Variants in USP31 observed in about 807,000 individuals in gnomAD.
The protein encoded by USP31 is ubiquitin carboxyl-terminal hydrolase 31.
A neutral mutation model predicts 119.4 loss-of-function variants in USP31; 44 were observed. The observed-to-expected ratio is 0.37, with a 90% CI of 0.29 to 0.47. The LOEUF (loss-of-function observed/expected upper bound fraction) is 0.47. USP31 is among the 20% of genes least tolerant of loss of function. USP31 has a pLI of 0.99. For missense variants in USP31, 1,643 were observed against 1,730.2 expected (o/e 0.95, Z 0.89); for synonymous variants, 749 against 705.6 (o/e 1.06, Z -0.97).
chr16:23,103,735 C>A lies in USP31; in HGVS notation c.1090-1272G>T, dbSNP rs547090070. Among the ~76,000 whole-genome samples the A allele has an allele frequency of 8.0e-4, 122 of 152,106 alleles. 1 individual carries two copies. Among genetic ancestry groups the A allele is most frequent in the African/African-American group, 2.7e-3 (114 of 41,500 alleles). ...TTCAAGACCAGCCTGGGCAACATGCCAAAACCTCGTCTCTACGAAAAATAC... is the reference window on the plus strand; with the variant it reads ...TTCAAGACCAGCCTGGGCAACATGCAAAAACCTCGTCTCTACGAAAAATAC... On this transcript the variant is annotated intron_variant, in intron 5 of 15. Coordinates refer to ENST00000219689, the MANE Select transcript of USP31 (RefSeq NM_020718.4).
chr16:23,094,076 G>A (rs1189531507), intron 6 of USP31, among the ~76,000 whole-genome samples: 1 of 152,154 alleles, frequency 6.6e-6, no homozygotes, highest in Admixed American at 6.5e-5. Flanking sequence ...GGGGTCGGGG[G>A]ATTTCCCTTT....
At position 23,073,793 on chromosome 16, in the gene USP31, T is replaced by C. The variant is rs939308050; in HGVS notation, c.2264A>G (p.Gln755Arg). Reference sequence around the variant, plus strand: ...CTGGTAGAAGAGGATGTATGCTGTCTGCGTGCAGACCTCATCTTCTGACAG... The same window carrying C: ...CTGGTAGAAGAGGATGTATGCTGTCCGCGTGCAGACCTCATCTTCTGACAG... ...QQLSEDEVCT[Q>R]TAYILFYQRR... The change falls in exon 14 of 16, where the codon CAG becomes CGG. Residue 755 changes from glutamine to arginine, a missense_variant. By Grantham distance (43) the Gln-to-Arg change is conservative (BLOSUM62 1). This residue lies in a region of USP31 where 279 missense variants were observed against 372.2 expected (regional missense o/e 0.75). Coordinates refer to ENST00000219689, the MANE Select transcript of USP31 (RefSeq NM_020718.4). The C allele has an allele frequency of 2.5e-6, 4 of 1,614,048 alleles. No homozygotes were observed. The highest frequency in any genetic ancestry group is 3.3e-5 in the Admixed American group (2 of 60,006).
intron 2 of USP31, among the ~76,000 whole-genome samples, chr16:23,106,851 G>A (rs143795349): frequency 2.6e-5 from 4 of 152,272 alleles, no homozygotes; most frequent in African/African-American, 9.6e-5. Context: ...AGGGGCTCAT[G>A]CCTGTAATCC....
chr16:23,102,587 C>T, intron 5 of USP31, 124 bp from the exon 6 acceptor site: 2 of 1,114,824 alleles, frequency 1.8e-6, no homozygotes, highest in Non-Finnish European at 2.4e-6. Context: ...CTCGCAGAGC[C>T]CACTTTATTT....
At chr16:23,091,355 A>G in intron 6 of USP31, among the ~76,000 whole-genome samples, 1 of 152,184 alleles carries the variant, frequency 6.6e-6, no homozygotes, top group East Asian at 1.9e-4. Flanking sequence ...TATATTTGAC[A>G]GGCACAGTAC....
chr16:23,103,475 T>C lies in USP31; in HGVS notation c.1090-1012A>G, dbSNP rs186728932. 7.5e-4 allele frequency among the ~76,000 whole-genome samples: 115 copies of C among 152,342 alleles called. 2 individuals carry two copies. The highest frequency in any genetic ancestry group is 5.8e-3 in the Admixed American group (89 of 15,298). On this transcript the variant is annotated intron_variant, in intron 5 of 15. Coordinates refer to ENST00000219689, the MANE Select transcript of USP31 (RefSeq NM_020718.4). ...TAATATGTGTAAATGATTCTACTTA[T>C]ATAAAATAATGTATATATGCATGGA...
chr16:23,108,599 A>G (rs1337453669), intron 1 of USP31, among the ~76,000 whole-genome samples: 12 of 152,334 alleles, frequency 7.9e-5, no homozygotes, highest in Admixed American at 6.5e-4. Context: ...GAAATACTAT[A>G]TAAGTGAAAA....
At chr16:23,074,942 C>A (rs1057386728) in intron 13 of USP31, among the ~76,000 whole-genome samples, 4 of 152,122 alleles carry the variant, frequency 2.6e-5, no homozygotes, top group African/African-American at 9.7e-5. Flanking sequence ...TAGCTGAATG[C>A]TGGAACAGAC....
intron 11 of USP31, among the ~76,000 whole-genome samples, chr16:23,083,228 T>C (rs1900918220): frequency 6.6e-6 from 1 of 152,182 alleles, no homozygotes; most frequent in Admixed American, 6.5e-5. Context: ...ATATACTGTC[T>C]CAATTCTGTC....
In USP31 at chr16:23,149,121, G is replaced by A. The variant is rs1903636646; in HGVS notation, c.150C>T (p.Ser50=). 2.4e-6 allele frequency: 3 copies of A among 1,257,944 alleles called. No individual in the cohort carries two copies. Among genetic ancestry groups the A allele is most frequent in the African/African-American group, 3.1e-5 (2 of 63,544 alleles). 77.9% of individuals were successfully genotyped at this position (1,257,944 alleles called of 1,614,324 possible). Residue 50 remains serine (S), a synonymous_variant, in exon 1 of 16, where the codon TCC becomes TCT. Transcript: ENST00000219689. ...GTGCAGAGGAGGGCGAGGAGGGCGA[G>A]GAAGGCGCGGCCGGCCCGGACGCCC... ...GPGASGPAAP[S]SPSSPSSARS...
At chr16:23,143,995 T>G (rs1473587739) in intron 1 of USP31, among the ~76,000 whole-genome samples, 1 of 152,114 alleles carries the variant, frequency 6.6e-6, no homozygotes, top group Non-Finnish European at 1.5e-5. Context: ...ATAAAGGTAA[T>G]GGCTAGAGAC....
chr16:23,081,205 G>C (rs1482399245), intron 12 of USP31, among the ~76,000 whole-genome samples: 1 of 152,194 alleles, frequency 6.6e-6, no homozygotes, highest in Non-Finnish European at 1.5e-5. Flanking sequence ...TGGATTGCTG[G>C]AAGGGTGGTG....
intron 1 of USP31, among the ~76,000 whole-genome samples, chr16:23,117,933 T>G (rs1902549502): frequency 6.6e-6 from 1 of 152,020 alleles, no homozygotes; most frequent in Admixed American, 6.5e-5. Context: ...GGACTACAGG[T>G]GCACGCCACC....
chr16:23,105,975 A>G (rs1902083705), intron 4 of USP31, among the ~76,000 whole-genome samples: 1 of 152,116 alleles, frequency 6.6e-6, no homozygotes, highest in African/African-American at 2.4e-5. Flanking sequence ...CAACCCCGAT[A>G]CTATGTGTGG....
intron 7 of USP31, among the ~76,000 whole-genome samples, chr16:23,090,020 T>C (rs1901281917): frequency 6.6e-6 from 1 of 152,160 alleles, no homozygotes; most frequent in Non-Finnish European, 1.5e-5. Context: ...GTCAGGAAAG[T>C]AGCTGGAAAT....
At chr16:23,130,332 T>G (rs1902989594) in intron 1 of USP31, among the ~76,000 whole-genome samples, 1 of 151,854 alleles carries the variant, frequency 6.6e-6, no homozygotes, top group Non-Finnish European at 1.5e-5. Flanking sequence ...ACGCCCATAA[T>G]CCCAGCATTT....
chr16:23,081,069 G>A (rs936503729), intron 12 of USP31, among the ~76,000 whole-genome samples: 1 of 152,154 alleles, frequency 6.6e-6, no homozygotes. Context: ...CAAAATGTCT[G>A]AACCAGCACG....
intron 1 of USP31, among the ~76,000 whole-genome samples, chr16:23,137,582 CATAAT>C (rs890895796): frequency 1.5e-4 from 23 of 150,416 alleles, no homozygotes; most frequent in East Asian, 5.9e-4. Context: ...TTCCTCCCTA[CATAAT>C]ATAACACATG....
At chr16:23,080,305 A>T (rs1900760927) in intron 12 of USP31, 134 bp from the exon 13 acceptor site, 4 of 743,202 alleles carry the variant, frequency 5.4e-6, no homozygotes, top group Non-Finnish European at 8.6e-6. Flanking sequence ...AGACATACAA[A>T]TCAGGGAAAC....
Sources: gnomAD v4.1 joint callset for allele counts (sites outside exome capture counted in the v4.1 genomes callset) on GRCh38, gnomAD v4.1.1 for gene constraint, gnomAD v4.1.1 regional missense constraint, MANE v1.5 for transcripts, NCBI Gene and HGNC (gene_info 2026-07-23, HGNC 2026-07-21) for gene names.